TMTC2: variants seen among roughly 807,000 people sequenced by gnomAD.
The protein encoded by TMTC2 is protein O-mannosyl-transferase TMTC2.
A neutral mutation model predicts 82.4 loss-of-function variants in TMTC2; 43 were observed. The observed-to-expected ratio is 0.52, with a 90% CI of 0.41 to 0.67. The LOEUF (loss-of-function observed/expected upper bound fraction) is 0.67. TMTC2 is among the 30% of genes least tolerant of loss of function. TMTC2 has a pLI of 0.00. For missense variants in TMTC2, 919 were observed against 1,012.4 expected (o/e 0.91, Z 1.25); for synonymous variants, 408 against 381.9 (o/e 1.07, Z -0.80).
At chr12:82,885,258 G>A (rs1480932887) in intron 2 of TMTC2, among the ~76,000 whole-genome samples, 1 of 151,894 alleles carries the variant, frequency 6.6e-6, no homozygotes, top group Non-Finnish European at 1.5e-5. Flanking sequence ...ATATTTAGCA[G>A]TATGTCTTTC....
intron 1 of TMTC2, among the ~76,000 whole-genome samples, chr12:82,771,903 A>G (rs1877331817): frequency 6.6e-6 from 1 of 152,182 alleles, no homozygotes; most frequent in Non-Finnish European, 1.5e-5. Flanking sequence ...GTGCCATTAT[A>G]TGGGTTCTGT....
chr12:82,965,748 T>G lies in TMTC2; in HGVS notation c.1869+4T>G. 6.2e-7 allele frequency: 1 copy of G among 1,613,638 alleles called. No homozygotes were observed. The highest frequency in any genetic ancestry group is 8.5e-7 in the Non-Finnish European group (1 of 1,179,814). ...TCATGAGCAGGGACACTATGAGGTC[T>G]GGCCAATGCCTCTCTGTCCTTTTCC... On this transcript the variant is annotated splice_donor_region_variant and intron_variant, in intron 6 of 11. Transcript: ENST00000321196.
Position 82,732,860 on chromosome 12 carries a change from T to C in TMTC2, c.83+45191T>C, listed in dbSNP as rs544707552. ...GCTTAGAATATGATAAAGCATTGAT[T>C]TCTCTTAGATGCTATCCAAATAAGG... On this transcript the variant is annotated intron_variant, in intron 1 of 11. Transcript: ENST00000321196. Among the ~76,000 whole-genome samples, 259 of 152,320 alleles carry C rather than the reference T, an allele frequency of 1.7e-3. 1 individual carries two copies. Among genetic ancestry groups the C allele is most frequent in the African/African-American group, 6.0e-3 (251 of 41,580 alleles).
intron 3 of TMTC2, among the ~76,000 whole-genome samples, chr12:82,921,534 G>A (rs1875395420): frequency 6.6e-6 from 1 of 151,696 alleles, no homozygotes; most frequent in Non-Finnish European, 1.5e-5. Context: ...CTCTCTTTAG[G>A]CTGTCACAGT....
chr12:82,821,521 T>G (rs886267839), intron 1 of TMTC2, among the ~76,000 whole-genome samples: 1 of 152,152 alleles, frequency 6.6e-6, no homozygotes, highest in Admixed American at 6.5e-5. Flanking sequence ...TTAGAAAGAT[T>G]AAGTAACTTC....
intron 3 of TMTC2, among the ~76,000 whole-genome samples, chr12:82,904,459 T>C (rs1874183494): frequency 6.6e-6 from 1 of 152,216 alleles, no homozygotes; most frequent in Admixed American, 6.5e-5. Context: ...TGCTAATTTA[T>C]GGTTTAAATC....
chr12:82,907,819 T>TA (rs1309340386), intron 3 of TMTC2, among the ~76,000 whole-genome samples: 27 of 151,984 alleles, frequency 1.8e-4, no homozygotes, highest in Admixed American at 1.8e-3. Flanking sequence ...TTGTGTTTCT[T>TA]AAAAATGTCC....
chr12:83,029,348 A>G (rs1238126156), intron 8 of TMTC2, among the ~76,000 whole-genome samples: 1 of 152,146 alleles, frequency 6.6e-6, no homozygotes, highest in Non-Finnish European at 1.5e-5. Context: ...CTGATCAGCT[A>G]TCATTAGTGT....
At chr12:82,857,937 C>T (rs1191721928) in intron 2 of TMTC2, among the ~76,000 whole-genome samples, 4 of 152,140 alleles carry the variant, frequency 2.6e-5, no homozygotes, top group East Asian at 1.9e-4. Flanking sequence ...AAAAATAACA[C>T]GGCTGATAAT....
chr12:82,977,597 A>C (rs1311368592), intron 7 of TMTC2, among the ~76,000 whole-genome samples: 1 of 151,834 alleles, frequency 6.6e-6, no homozygotes, highest in Admixed American at 6.6e-5. Flanking sequence ...TTTCATGTGG[A>C]ATACATAGTT....
intron 1 of TMTC2, chr12:82,759,268 A>C (rs1171186937): frequency 6.6e-6 from 1 of 152,160 alleles, no homozygotes; most frequent in Non-Finnish European, 1.5e-5. Flanking sequence ...CCTTTTAACA[A>C]GAATGTTTTG....
chr12:82,930,713 T>C (rs2137243378), intron 4 of TMTC2, among the ~76,000 whole-genome samples, 168 bp downstream of exon 4: 1 of 152,324 alleles, frequency 6.6e-6, no homozygotes, highest in South Asian at 2.1e-4. Context: ...GTGATTTCTT[T>C]GTTTCGGGCC....
At chr12:82,898,789 C>T (rs1293291699) in intron 3 of TMTC2, among the ~76,000 whole-genome samples, 4 of 152,134 alleles carry the variant, frequency 2.6e-5, no homozygotes, top group Non-Finnish European at 4.4e-5. Flanking sequence ...GGCACACCTA[C>T]CTAAAAGGAA....
chr12:82,825,294 C>T (rs1869350639), intron 1 of TMTC2, among the ~76,000 whole-genome samples: 1 of 152,046 alleles, frequency 6.6e-6, no homozygotes, highest in Non-Finnish European at 1.5e-5. Flanking sequence ...GTATTTATAA[C>T]AGGACAAAAA....
Position 82,693,118 on chromosome 12 carries a change from G to T in TMTC2, c.83+5449G>T, listed in dbSNP as rs115092166. Among the ~76,000 whole-genome samples, 359 of 152,256 alleles carry T rather than the reference G, an allele frequency of 2.4e-3. 2 individuals carry two copies. The highest frequency in any genetic ancestry group is 8.3e-3 in the African/African-American group (343 of 41,552). Reference sequence around the variant, plus strand: ...TGCATTCTTACCTGTACTTTAGCAGGTACTGTAAAGGGTTTGAATCTGAGA... The same window carrying T: ...TGCATTCTTACCTGTACTTTAGCAGTTACTGTAAAGGGTTTGAATCTGAGA... On this transcript the variant is annotated intron_variant, in intron 1 of 11. Transcript: ENST00000321196.
At chr12:83,132,147 G>T (rs1197313617) in intron 11 of TMTC2, 63 bp from the exon 12 acceptor site, 14 of 1,525,640 alleles carry the variant, frequency 9.2e-6, no homozygotes, top group Non-Finnish European at 1.1e-5. Context: ...GAAGATTTTT[G>T]TTTTCCATGA....
At chr12:83,132,117 AATT>A in intron 11 of TMTC2, 90 bp from the exon 12 acceptor site, 1 of 1,413,800 alleles carries the variant, frequency 7.1e-7, no homozygotes, top group Non-Finnish European at 9.5e-7. Flanking sequence ...GACATAAGGG[AATT>A]ATTTGCATAA....
intron 1 of TMTC2, among the ~76,000 whole-genome samples, chr12:82,729,758 C>A (rs114120376): frequency 6.6e-6 from 1 of 152,164 alleles, no homozygotes; most frequent in East Asian, 1.9e-4. Context: ...CCGCAGGGGC[C>A]GTTTTCCGTG....
At chr12:82,742,894 G>T (rs1279142093) in intron 1 of TMTC2, among the ~76,000 whole-genome samples, 2 of 152,076 alleles carry the variant, frequency 1.3e-5, no homozygotes, top group African/African-American at 2.4e-5. Context: ...TTTCACCAAG[G>T]TCATATGATT....
Sources: allele counts gnomAD v4.1 joint callset (sites outside exome capture counted in the v4.1 genomes callset), GRCh38; gene constraint gnomAD v4.1.1; transcripts MANE v1.5; gene names NCBI Gene and HGNC (gene_info 2026-07-23, HGNC 2026-07-21).